Variants in LGSN observed in about 807,000 individuals in gnomAD.
The protein encoded by LGSN is lengsin, lens protein with glutamine synthetase domain, also known as lengsin.
LGSN carries 21 observed loss-of-function variants against 19.5 expected under a neutral mutation model. That is an observed-to-expected ratio of 1.07 (90% CI 0.76 to 1.55). LGSN has a LOEUF of 1.55. LGSN is among the 40% of genes most tolerant of loss of function. The pLI, the probability that LGSN is intolerant of heterozygous loss-of-function variation, is 0.00. For synonymous variants in LGSN, 257 were observed against 215.6 expected (o/e 1.19, Z -1.68); for missense variants, 673 against 608.5 (o/e 1.11, Z -1.12).
At chr6:63,486,012 G>A in the LGSN span, among the ~76,000 whole-genome samples, 1 of 152,124 alleles carries the variant, frequency 6.6e-6, no homozygotes, top group South Asian at 2.1e-4. Flanking sequence ...TTACAGGTGT[G>A]AGCCACCACA....
the LGSN span, among the ~76,000 whole-genome samples, chr6:63,444,249 A>C: frequency 6.6e-6 from 1 of 152,228 alleles, no homozygotes; most frequent in African/African-American, 2.4e-5. Flanking sequence ...GGAAACAGAA[A>C]GATGAGTTAA....
chr6:63,547,732 C>T, the LGSN span, among the ~76,000 whole-genome samples: 35 of 146,152 alleles, frequency 2.4e-4, no homozygotes, highest in African/African-American at 7.6e-4. Context: ...AGGATGGTCT[C>T]GATCTCCTGA....
chr6:63,572,739 T>C, the LGSN span: 4 of 398,262 alleles, frequency 1.0e-5, no homozygotes, highest in African/African-American at 4.1e-5. Context: ...CGTCGCATCG[T>C]CGCCTCTCGG....
At chr6:63,321,210 T>G (rs530786488), upstream of LGSN, among the ~76,000 whole-genome samples, 1 of 152,316 alleles carries the variant, frequency 6.6e-6, no homozygotes, top group South Asian at 2.1e-4. Flanking sequence ...CCTAAGTTTT[T>G]CTCAATCCTC....
At chr6:63,520,986 G>A in the LGSN span, among the ~76,000 whole-genome samples, 1 of 152,228 alleles carries the variant, frequency 6.6e-6, no homozygotes, top group South Asian at 2.1e-4. Context: ...CACAGGAACA[G>A]GAAACCAAAC....
At chr6:63,405,127 A>C in the LGSN span, among the ~76,000 whole-genome samples, 3 of 151,890 alleles carry the variant, frequency 2.0e-5, no homozygotes, top group Non-Finnish European at 4.4e-5. Flanking sequence ...CCTACAAAGG[A>C]CATGAACTCA....
chr6:63,399,643 G>A, the LGSN span, among the ~76,000 whole-genome samples: 4 of 151,590 alleles, frequency 2.6e-5, no homozygotes, highest in Non-Finnish European at 5.9e-5. Flanking sequence ...TGATCCACCC[G>A]CCTCGGCCTC....
the LGSN span, among the ~76,000 whole-genome samples, chr6:63,430,804 G>A: frequency 6.6e-6 from 1 of 152,196 alleles, no homozygotes; most frequent in Non-Finnish European, 1.5e-5. Context: ...GGGGAGCCAT[G>A]TCAATGTGAA....
At chr6:63,432,170 A>AAAGAAAGAAAG in the LGSN span, among the ~76,000 whole-genome samples, 1 of 96,442 alleles carries the variant, frequency 1.0e-5, no homozygotes, top group Non-Finnish European at 2.0e-5. Context: ...AGAAAGAAAG[A>AAAGAAAGAAAG]AAAGGAAAGA....
the LGSN span, among the ~76,000 whole-genome samples, chr6:63,432,340 A>G: frequency 2.6e-5 from 4 of 152,136 alleles, no homozygotes; most frequent in African/African-American, 9.7e-5. Flanking sequence ...GTTCATTCAC[A>G]AGATCCTGGT....
the LGSN span, chr6:63,548,870 G>A: frequency 6.1e-5 from 47 of 770,908 alleles, no homozygotes; most frequent in Admixed American, 1.0e-4. Flanking sequence ...TAGCCAAAGC[G>A]CCTTTGTCTT....
chr6:63,390,592 C>T, the LGSN span, among the ~76,000 whole-genome samples: 1 of 151,476 alleles, frequency 6.6e-6, no homozygotes, highest in Non-Finnish European at 1.5e-5. Flanking sequence ...CGCGGTGGCT[C>T]ACGCCTGTAA....
chr6:63,543,876 C>T, the LGSN span, among the ~76,000 whole-genome samples: 1 of 152,148 alleles, frequency 6.6e-6, no homozygotes, highest in Non-Finnish European at 1.5e-5. Flanking sequence ...TTTTACTCTT[C>T]GTGTTTATTT....
the LGSN span, among the ~76,000 whole-genome samples, chr6:63,331,244 G>T: frequency 6.6e-6 from 1 of 152,142 alleles, no homozygotes; most frequent in South Asian, 2.1e-4. Flanking sequence ...TTGCATAGTT[G>T]TGTATTCTCC....
the LGSN span, among the ~76,000 whole-genome samples, chr6:63,484,003 A>C: frequency 1.3e-5 from 2 of 152,126 alleles, no homozygotes; most frequent in Middle Eastern, 6.8e-3. Context: ...AAACATAAAA[A>C]ATTACCCAGG....
chr6:63,412,894 AAGAG>A, the LGSN span, among the ~76,000 whole-genome samples: 12,695 of 146,830 alleles, frequency 0.086, 1,139 homozygotes, highest in African/African-American at 0.22. Context: ...GAGGGAGAGA[AAGAG>A]AGAGAGAGAA....
chr6:63,371,760 G>T, the LGSN span, among the ~76,000 whole-genome samples: 2 of 152,100 alleles, frequency 1.3e-5, no homozygotes, highest in East Asian at 3.8e-4. Context: ...AATGACTTTT[G>T]GTCCTTTAAA....
chr6:63,329,384 G>T, the LGSN span, among the ~76,000 whole-genome samples: 320 of 152,300 alleles, frequency 2.1e-3, 4 homozygotes, highest in African/African-American at 7.4e-3. Flanking sequence ...CAGGGTATAG[G>T]GGTTGGGTAC....
chr6:63,402,455 G>A, the LGSN span, among the ~76,000 whole-genome samples: 1 of 151,956 alleles, frequency 6.6e-6, no homozygotes, highest in Non-Finnish European at 1.5e-5. Context: ...TAAGAATCAA[G>A]GGCCTGAAGA....
Sources: gnomAD v4.1 joint callset for allele counts (sites outside exome capture counted in the v4.1 genomes callset) on GRCh38, gnomAD v4.1.1 for gene constraint, MANE v1.5 for transcripts, NCBI Gene and HGNC (gene_info 2026-07-23, HGNC 2026-07-21) for gene names.